HUWE1: variants seen among roughly 807,000 people sequenced by gnomAD.
The protein encoded by HUWE1 is HECT, UBA and WWE domain containing E3 ubiquitin protein ligase 1.
A neutral mutation model predicts 299.4 loss-of-function variants in HUWE1; 18 were observed. That is an observed-to-expected ratio of 0.06 (90% CI 0.04 to 0.09). HUWE1 has a LOEUF of 0.09. Ranked by LOEUF, HUWE1 falls within the 10% of genes least tolerant of loss-of-function variation. The pLI is 1.00. For synonymous variants in HUWE1, 1,317 were observed against 1,286.1 expected (o/e 1.02, Z -0.51); for missense variants, 1,832 against 3,462.3 (o/e 0.53, Z 11.82).
Position 53,585,168 on chromosome X carries a change from G to A in HUWE1, c.4845C>T (p.Asn1615=). ...AGCGATCATCAAACCAGCGCCAGTT[G>A]TTGCTGTTGGATTGCAGGTACTAAA... ...QMTKYLQSNS[N]NWRWFDDRSG... Residue 1615 remains asparagine (N), a synonymous_variant, in exon 40 of 84, where the codon AAC becomes AAT. Transcript: ENST00000262854. The A allele has an allele frequency of 8.3e-7, 1 of 1,211,997 alleles. No individual in the cohort carries two copies. The highest frequency in any genetic ancestry group is 2.2e-5 in the Admixed American group (1 of 46,111).
chrX:53,671,134 G>A lies in HUWE1; in HGVS notation c.-25+8915C>T, dbSNP rs183787535. The stretch of plus-strand genomic sequence containing the variant: ...GGACTTTGGGGACTCAGGGGGAAAG[G>A]ATGGGAAAGGGGTGAGGGATAAAAG... On this transcript the variant is annotated intron_variant, in intron 3 of 83. Transcript: ENST00000262854. Among the ~76,000 whole-genome samples, 6 of 111,395 alleles carry A rather than the reference G, an allele frequency of 5.4e-5. 1 individual carries two copies. The highest frequency in any genetic ancestry group is 2.0e-4 in the African/African-American group (6 of 30,621).
rs149656331 is a variant in HUWE1, at chrX:53,649,695, T to A, written c.46-1385A>T. On this transcript the variant is annotated intron_variant, in intron 4 of 83. Coordinates refer to ENST00000262854, the MANE Select transcript of HUWE1 (RefSeq NM_031407.7). Reference sequence around the variant, plus strand: ...CAGCAGAAATAGATAACATGGAAATTTGAACCACCTGCTTATGCAGTTCAC... The same window carrying A: ...CAGCAGAAATAGATAACATGGAAATATGAACCACCTGCTTATGCAGTTCAC... Among the ~76,000 whole-genome samples the A allele has an allele frequency of 9.4e-3, 1,052 of 112,258 alleles. 14 individuals carry two copies. Among genetic ancestry groups the A allele is most frequent in the African/African-American group, 0.032 (990 of 30,922 alleles).
At chrX:53,624,952 GA>G (rs1165224549) in intron 18 of HUWE1, among the ~76,000 whole-genome samples, 2 of 111,261 alleles carry the variant, frequency 1.8e-5, no homozygotes, top group Non-Finnish European at 1.9e-5. Context: ...TGGAAAAGGG[GA>G]AAAAAAGGGT....
In HUWE1 at chrX:53,680,038, C is replaced by A. The variant is rs2070049368; in HGVS notation, c.-25+11G>T. 1 of 297,189 alleles carries A rather than the reference C, an allele frequency of 3.4e-6. No homozygotes were observed. The highest frequency in any genetic ancestry group is 5.9e-6 in the Non-Finnish European group (1 of 170,184). The allele number at this position is 297,189 out of a possible 1,213,427, so 24.5% of individuals were successfully genotyped here. A position where few individuals can be genotyped will look rare whatever the true frequency, so the allele number is the denominator to read the frequency against. ...ATACAAATACTTCCCACAAGATTTA[C>A]AAAAACTAACCTAAAATCACAGCCA... On this transcript the variant is annotated intron_variant, in intron 3 of 83. Coordinates refer to ENST00000262854, the MANE Select transcript of HUWE1 (RefSeq NM_031407.7).
At chrX:53,534,803 G>T in intron 81 of HUWE1, 106 bp from the exon 82 acceptor site, 1 of 667,873 alleles carries the variant, frequency 1.5e-6, no homozygotes, top group Non-Finnish European at 2.3e-6. Context: ...GGGACTACAG[G>T]CATGCACCAC....
intron 27 of HUWE1, among the ~76,000 whole-genome samples, 168 bp from the exon 28 acceptor site, chrX:53,602,826 C>A (rs1471412520): frequency 1.8e-5 from 2 of 109,512 alleles, no homozygotes; most frequent in Non-Finnish European, 3.8e-5. Flanking sequence ...AGGTAGCACC[C>A]CACAAGCTTT....
intron 55 of HUWE1, 116 bp downstream of exon 55, chrX:53,561,640 A>G: frequency 9.5e-7 from 1 of 1,055,771 alleles, no homozygotes; most frequent in Non-Finnish European, 1.3e-6. Context: ...CCAGGAAGTC[A>G]GCATAGGAAA....
chrX:53,668,826 C>T (rs1557048487), intron 3 of HUWE1, among the ~76,000 whole-genome samples: 1 of 112,262 alleles, frequency 8.9e-6, no homozygotes, highest in African/African-American at 3.2e-5. Flanking sequence ...TACACATTAC[C>T]TGCATATGAA....
At chrX:53,660,928 T>C (rs1287963113) in intron 3 of HUWE1, among the ~76,000 whole-genome samples, 1 of 111,259 alleles carries the variant, frequency 9.0e-6, no homozygotes, top group Non-Finnish European at 1.9e-5. Flanking sequence ...GATAGAAAAC[T>C]GAAGTAAGAG....
chrX:53,650,183 C>T (rs1349257706), intron 4 of HUWE1, among the ~76,000 whole-genome samples: 1 of 112,268 alleles, frequency 8.9e-6, no homozygotes, highest in Admixed American at 9.4e-5. Context: ...TAGAGGTTAT[C>T]CAGTAAATAG....
intron 29 of HUWE1, among the ~76,000 whole-genome samples, chrX:53,597,481 C>T (rs1457674402): frequency 8.8e-5 from 8 of 90,930 alleles, no homozygotes; most frequent in Admixed American, 3.8e-4. Flanking sequence ...CTATATAGCT[C>T]CTAACTTCCG....
chrX:53,632,590 C>CA (rs2066945765), intron 8 of HUWE1, 26 bp from the exon 9 acceptor site: 1 of 1,069,158 alleles, frequency 9.4e-7, no homozygotes, highest in Non-Finnish European at 1.3e-6. Flanking sequence ...ATCAAAGAAT[C>CA]AGACATTGAG....
At chrX:53,541,453 G>A (rs782036227) in intron 74 of HUWE1, among the ~76,000 whole-genome samples, 1 of 111,398 alleles carries the variant, frequency 9.0e-6, no homozygotes, top group East Asian at 2.8e-4. Flanking sequence ...AATTAGCCAG[G>A]CATGGTGGCA....
chrX:53,570,314 T>G (rs966754020), intron 47 of HUWE1, among the ~76,000 whole-genome samples: 1 of 112,574 alleles, frequency 8.9e-6, no homozygotes. Flanking sequence ...TGATATTTAA[T>G]AGAACTACTT....
intron 60 of HUWE1, among the ~76,000 whole-genome samples, chrX:53,555,140 ACT>A (rs2061941226): frequency 9.0e-6 from 1 of 110,816 alleles, no homozygotes. Flanking sequence ...TGGAGCTCTG[ACT>A]CTGTGGATTC....
chrX:53,648,687 C>T (rs1394517655), intron 4 of HUWE1, among the ~76,000 whole-genome samples: 3 of 106,710 alleles, frequency 2.8e-5, no homozygotes, highest in South Asian at 4.1e-4. Context: ...GAATCTATAC[C>T]ATGGTCTGAA....
At chrX:53,669,803 T>C (rs1557048699) in intron 3 of HUWE1, among the ~76,000 whole-genome samples, 1 of 112,323 alleles carries the variant, frequency 8.9e-6, no homozygotes, top group Non-Finnish European at 1.9e-5. Flanking sequence ...ACACACCTAC[T>C]TCACACCATT....
chrX:53,604,884 TC>T (rs1556995400), intron 25 of HUWE1, 50 bp from the exon 26 acceptor site: 1 of 1,104,929 alleles, frequency 9.1e-7, no homozygotes. Flanking sequence ...AACTTCAAAT[TC>T]ATCATGTCTT....
At chrX:53,663,260 C>T (rs2069095609) in intron 3 of HUWE1, among the ~76,000 whole-genome samples, 2 of 112,373 alleles carry the variant, frequency 1.8e-5, no homozygotes, top group Admixed American at 9.4e-5. Flanking sequence ...CGCCTGTAAT[C>T]CCAGCACTCT....
Sources: allele counts gnomAD v4.1 joint callset (sites outside exome capture counted in the v4.1 genomes callset), GRCh38; gene constraint gnomAD v4.1.1; transcripts MANE v1.5; gene names NCBI Gene and HGNC (gene_info 2026-07-23, HGNC 2026-07-21).